ATG7: variants seen among roughly 807,000 people sequenced by gnomAD.
The protein encoded by ATG7 is autophagy related 7, also known as ubiquitin-like modifier-activating enzyme ATG7.
ATG7 carries 70 observed loss-of-function variants against 82.4 expected under a neutral mutation model. The observed-to-expected ratio is 0.85, with a 90% CI of 0.70 to 1.04. The LOEUF (loss-of-function observed/expected upper bound fraction) is 1.04, where lower values mean the gene tolerates loss of function less well. Among genes scored for constraint, ATG7 ranks in the 50% least tolerant of loss-of-function variants. The probability of loss-of-function intolerance (pLI) is 0.00; values close to 1 mark genes in which losing one functional copy is unlikely to be tolerated. For synonymous variants in ATG7, 287 were observed against 313.0 expected, an observed-to-expected ratio of 0.92 and a Z score of 0.88; for missense variants, 792 against 864.3, an observed-to-expected ratio of 0.92 and a Z score of 1.05.
intron 6 of ATG7, among the ~76,000 whole-genome samples, chr3:11,307,646 C>T (rs2152708123): frequency 6.6e-6 from 1 of 152,334 alleles, no homozygotes; most frequent in Non-Finnish European, 1.5e-5. Context: ...TCTGTCCTCT[C>T]TCCTTGGGAA....
chr3:11,470,471 C>A (rs1380818108), intron 20 of ATG7, among the ~76,000 whole-genome samples: 4 of 152,176 alleles, frequency 2.6e-5, no homozygotes, highest in African/African-American at 9.7e-5. Context: ...CTTATGGGGC[C>A]ACCCTCATAT....
chr3:11,472,733 T>G (rs1272267943), intron 20 of ATG7, among the ~76,000 whole-genome samples: 1 of 152,212 alleles, frequency 6.6e-6, no homozygotes. Flanking sequence ...CTCCCAGGAC[T>G]TTTGAAAATG....
At chr3:11,424,616 ATAT>A (rs950242729) in intron 19 of ATG7, among the ~76,000 whole-genome samples, 5 of 151,368 alleles carry the variant, frequency 3.3e-5, no homozygotes, top group African/African-American at 1.2e-4. Flanking sequence ...TTAATTTTTA[ATAT>A]TAAATATTTA....
At chr3:11,503,968 G>A (rs2454476) in intron 20 of ATG7, among the ~76,000 whole-genome samples, 79,974 of 151,630 alleles carry the variant, frequency 0.53, 22,050 homozygotes, top group East Asian at 0.66. Context: ...TTGCGGAAAG[G>A]AAAACATAGA....
At chr3:11,536,537 C>T (rs987693932) in intron 20 of ATG7, among the ~76,000 whole-genome samples, 1 of 152,204 alleles carries the variant, frequency 6.6e-6, no homozygotes, top group Non-Finnish European at 1.5e-5. Context: ...GTTTCCCATG[C>T]AAAACGCCAC....
chr3:11,280,711 G>A (rs1372064429), intron 1 of ATG7, among the ~76,000 whole-genome samples: 2 of 152,164 alleles, frequency 1.3e-5, no homozygotes, highest in African/African-American at 4.8e-5. Flanking sequence ...CATTATCCAA[G>A]TTATTGGTAA....
intron 1 of ATG7, among the ~76,000 whole-genome samples, chr3:11,278,760 G>T (rs1407211746): frequency 6.6e-6 from 1 of 152,186 alleles, no homozygotes; most frequent in Non-Finnish European, 1.5e-5. Flanking sequence ...AAGCTGACAT[G>T]GTTCCTTTCT....
At chr3:11,559,381 G>A (rs1396394290), downstream of ATG7, 1 of 1,556,118 alleles carries the variant, frequency 6.4e-7, no homozygotes, top group Non-Finnish European at 8.7e-7. Context: ...CACAGCCGCT[G>A]TGCGCGATGG....
At chr3:11,424,898 A>G (rs2152939322) in intron 19 of ATG7, among the ~76,000 whole-genome samples, 1 of 152,280 alleles carries the variant, frequency 6.6e-6, no homozygotes, top group South Asian at 2.1e-4. Context: ...CTTTTTAAAT[A>G]TATTGCTATG....
In ATG7 at chr3:11,555,472, C is replaced by G. The variant is rs2072316475; in HGVS notation, c.*629C>G. 1 of 152,858 alleles carries G rather than the reference C, an allele frequency of 6.5e-6. No homozygotes were observed. Among genetic ancestry groups the G allele is most frequent in the Admixed American group, 6.5e-5 (1 of 15,272 alleles). The allele number at this position is 152,858 out of a possible 1,614,324, so 9.5% of individuals were successfully genotyped here. A position where few individuals can be genotyped will look rare whatever the true frequency, so the allele number is the denominator to read the frequency against. Reference sequence around the variant, plus strand: ...ATGGCTTTCTGCCTCCCAGCCTGTCCTCCACTGTGGGCATAGCATCTGTGC... The same window carrying G: ...ATGGCTTTCTGCCTCCCAGCCTGTCGTCCACTGTGGGCATAGCATCTGTGC... On this transcript the variant is annotated 3_prime_UTR_variant, in exon 21 of 21. Transcript: ENST00000693202.
intron 5 of ATG7, among the ~76,000 whole-genome samples, chr3:11,303,922 A>C (rs1264808949): frequency 7.2e-6 from 1 of 139,350 alleles, no homozygotes; most frequent in African/African-American, 3.0e-5. Context: ...AAATGCAAAA[A>C]AAAAAAAAAA....
At chr3:11,470,008 A>AAAAAAAC (rs1399975005) in intron 20 of ATG7, among the ~76,000 whole-genome samples, 1 of 141,094 alleles carries the variant, frequency 7.1e-6, no homozygotes, top group Non-Finnish European at 1.5e-5. Context: ...AAAAAAAAAA[A>AAAAAAAC]AGAGAGAGAG....
chr3:11,437,637 G>C (rs931611796), intron 20 of ATG7, among the ~76,000 whole-genome samples: 2 of 152,118 alleles, frequency 1.3e-5, no homozygotes, highest in Non-Finnish European at 2.9e-5. Flanking sequence ...GAAAAGTACA[G>C]TGAATACCCA....
intron 18 of ATG7, among the ~76,000 whole-genome samples, chr3:11,366,979 G>GTGTGTA (rs1240339254): frequency 1.5e-5 from 2 of 134,894 alleles, no homozygotes; most frequent in Admixed American, 8.0e-5. Context: ...AGCTGTGTGT[G>GTGTGTA]TGTGTGTGTG....
intron 20 of ATG7, among the ~76,000 whole-genome samples, chr3:11,511,473 CCTGAG>C (rs2092051724): frequency 6.6e-6 from 1 of 152,190 alleles, no homozygotes; most frequent in African/African-American, 2.4e-5. Context: ...ATTTGTAATC[CCTGAG>C]CTAGATATAA....
In ATG7 at chr3:11,321,732, A is replaced by T. The variant is rs577093189; in HGVS notation, c.678+6239A>T. On this transcript the variant is annotated intron_variant, in intron 9 of 20. Transcript: ENST00000693202. Reference sequence around the variant, plus strand: ...CTCAGTTTCCTCAGTGTGTATAAGCATACAGTAACAACACCCCCTTCCTTG... The same window carrying T: ...CTCAGTTTCCTCAGTGTGTATAAGCTTACAGTAACAACACCCCCTTCCTTG... Among the ~76,000 whole-genome samples the T allele has an allele frequency of 1.2e-4, 19 of 152,336 alleles. No homozygotes were observed. The South Asian group carries it at 3.5e-3, about 28-fold the overall frequency.
chr3:11,362,779 C>A (rs546853339), intron 16 of ATG7, 34 bp from the exon 17 acceptor site: 2 of 1,576,702 alleles, frequency 1.3e-6, no homozygotes, highest in Non-Finnish European at 1.7e-6. Flanking sequence ...TGGAGTAGAA[C>A]GTTCTGCACA....
intron 10 of ATG7, among the ~76,000 whole-genome samples, chr3:11,331,798 A>G (rs558049720): frequency 1.3e-5 from 2 of 152,342 alleles, no homozygotes; most frequent in African/African-American, 4.8e-5. Context: ...TAATTAAAAC[A>G]GAGGATATCT....
intron 20 of ATG7, among the ~76,000 whole-genome samples, chr3:11,527,463 TG>T (rs1187385175): frequency 6.6e-6 from 1 of 152,172 alleles, no homozygotes; most frequent in African/African-American, 2.4e-5. Flanking sequence ...TACCTGTCCC[TG>T]GGTAACTATT....
Sources: gnomAD v4.1 joint callset for allele counts (sites outside exome capture counted in the v4.1 genomes callset) on GRCh38, gnomAD v4.1.1 for gene constraint, MANE v1.5 for transcripts, NCBI Gene and HGNC (gene_info 2026-07-23, HGNC 2026-07-21) for gene names.